The following PRKG1 variants were observed in gnomAD, a reference collection of about 807,000 sequenced individuals.
PRKG1 encodes protein kinase cGMP-dependent 1.
In PRKG1, 35 loss-of-function variants were observed where a neutral mutation model predicts 88.1. That is an observed-to-expected ratio of 0.40 (90% CI 0.30 to 0.53). PRKG1 has a LOEUF of 0.53. Among genes scored for constraint, PRKG1 ranks in the 20% least tolerant of loss-of-function variants. PRKG1 has a pLI of 0.59. For synonymous variants in PRKG1, 303 were observed against 292.5 expected, an observed-to-expected ratio of 1.04 and a Z score of -0.37; for missense variants, 540 against 839.8, an observed-to-expected ratio of 0.64 and a Z score of 4.41.
intron 3 of PRKG1, among the ~76,000 whole-genome samples, chr10:51,478,660 A>G (rs1840269385): frequency 6.6e-6 from 1 of 151,662 alleles, no homozygotes; most frequent in Non-Finnish European, 1.5e-5. Flanking sequence ...AAATCTATCA[A>G]TTTAAGTGCA....
At chr10:51,866,885 T>A (rs1026812192) in intron 4 of PRKG1, among the ~76,000 whole-genome samples, 1 of 152,184 alleles carries the variant, frequency 6.6e-6, no homozygotes, top group African/African-American at 2.4e-5. Flanking sequence ...ATGGCATTTT[T>A]CCTTAAGGAA....
chr10:52,173,534 A>G (rs1276173761), intron 9 of PRKG1, among the ~76,000 whole-genome samples: 2 of 152,226 alleles, frequency 1.3e-5, no homozygotes, highest in African/African-American at 4.8e-5. Context: ...ATAATATACT[A>G]TATGAATTTA....
At chr10:51,385,015 T>G (rs1837215059) in intron 2 of PRKG1, among the ~76,000 whole-genome samples, 1 of 152,216 alleles carries the variant, frequency 6.6e-6, no homozygotes, top group Admixed American at 6.5e-5. Flanking sequence ...AAGGATTGTC[T>G]CTCGAACCTT....
At chr10:51,884,647 C>A (rs1372005169) in intron 4 of PRKG1, among the ~76,000 whole-genome samples, 1 of 151,980 alleles carries the variant, frequency 6.6e-6, no homozygotes, top group Non-Finnish European at 1.5e-5. Context: ...TGAGGCCATG[C>A]GTACACTGAA....
At chr10:52,001,047 G>A (rs1279457778) in intron 5 of PRKG1, among the ~76,000 whole-genome samples, 4 of 151,722 alleles carry the variant, frequency 2.6e-5, no homozygotes, top group South Asian at 2.1e-4. Context: ...TCTCTATTAC[G>A]GTGGGTTCAA....
intron 9 of PRKG1, among the ~76,000 whole-genome samples, chr10:52,233,897 C>T (rs1480381582): frequency 6.6e-6 from 1 of 152,088 alleles, no homozygotes. Flanking sequence ...GTAACCTCTG[C>T]AGACTTAAAT....
chr10:51,881,204 A>G (rs966111049), intron 4 of PRKG1, among the ~76,000 whole-genome samples: 1 of 152,150 alleles, frequency 6.6e-6, no homozygotes, highest in Non-Finnish European at 1.5e-5. Flanking sequence ...GATTAGAGAC[A>G]TCAACGGGAA....
At chr10:51,908,681 A>G (rs1842138569) in intron 5 of PRKG1, 1 of 132,352 alleles carries the variant, frequency 7.6e-6, no homozygotes, top group African/African-American at 2.9e-5. Flanking sequence ...TTGAAAAATC[A>G]TCAGATTGTG....
intron 2 of PRKG1, among the ~76,000 whole-genome samples, chr10:51,258,882 C>A (rs1211924152): frequency 6.6e-6 from 1 of 152,228 alleles, no homozygotes; most frequent in Admixed American, 6.5e-5. Context: ...CATTGTGGAT[C>A]TCAAGAAAGA....
intron 8 of PRKG1, among the ~76,000 whole-genome samples, chr10:52,147,907 A>T (rs1295663770): frequency 6.6e-6 from 1 of 152,178 alleles, no homozygotes; most frequent in African/African-American, 2.4e-5. Context: ...GTTGAGCTTG[A>T]GGTACAGGTG....
chr10:51,559,339 T>A (rs1237269067), intron 3 of PRKG1, among the ~76,000 whole-genome samples: 1 of 152,080 alleles, frequency 6.6e-6, no homozygotes, highest in Non-Finnish European at 1.5e-5. Flanking sequence ...GCTCCTCATA[T>A]TCCTTACTAA....
intron 3 of PRKG1, among the ~76,000 whole-genome samples, chr10:51,616,756 A>G (rs528155804): frequency 6.6e-6 from 1 of 152,188 alleles, no homozygotes; most frequent in East Asian, 1.9e-4. Context: ...GAGAAATGGT[A>G]GTGGTTGTGC....
At chr10:51,113,986 T>C (rs1845043149) in intron 1 of PRKG1, among the ~76,000 whole-genome samples, 1 of 148,690 alleles carries the variant, frequency 6.7e-6, no homozygotes, top group Non-Finnish European at 1.5e-5. Context: ...TGTGTGTGTG[T>C]TGCTTTGATC....
rs1013752731 is a variant in PRKG1, at chr10:51,236,132, T to C, written c.478+82802T>C. On this transcript the variant is annotated intron_variant, in intron 2 of 17. Transcript: ENST00000373980. ...AACAGTTAATTTTAGTTCCAGAGTA[T>C]GACTTTTCAGAAGTCATTTGACCTC... 3.9e-5 allele frequency among the ~76,000 whole-genome samples: 6 copies of C among 152,176 alleles called. No homozygotes were observed. In the South Asian group the frequency reaches 1.2e-3, roughly 32 times the overall value.
At chr10:51,118,666 G>T (rs1845191454) in intron 1 of PRKG1, among the ~76,000 whole-genome samples, 1 of 152,218 alleles carries the variant, frequency 6.6e-6, no homozygotes, top group Middle Eastern at 3.4e-3. Context: ...GGAAAGTAAA[G>T]AAACTTCCCT....
chr10:52,002,138 TGAA>T (rs1310943231), intron 5 of PRKG1, among the ~76,000 whole-genome samples: 1 of 152,168 alleles, frequency 6.6e-6, no homozygotes, highest in African/African-American at 2.4e-5. Context: ...AGTTTTAATT[TGAA>T]GGATTATAAT....
chr10:51,396,601 G>A (rs577475559), intron 2 of PRKG1, among the ~76,000 whole-genome samples: 1 of 152,330 alleles, frequency 6.6e-6, no homozygotes, highest in South Asian at 2.1e-4. Flanking sequence ...TAACCACAGG[G>A]AGTTGAATCC....
chr10:51,524,726 G>A (rs1188233302), intron 3 of PRKG1, among the ~76,000 whole-genome samples: 1 of 152,162 alleles, frequency 6.6e-6, no homozygotes, highest in East Asian at 1.9e-4. Context: ...ATAAACATTT[G>A]TAGAAGGTGA....
chr10:51,571,081 T>C (rs1422189778), intron 3 of PRKG1, among the ~76,000 whole-genome samples: 7 of 152,008 alleles, frequency 4.6e-5, no homozygotes, highest in Admixed American at 2.0e-4. Context: ...TGTACTCCTA[T>C]GCAAGTTGTT....
Sources: allele counts gnomAD v4.1 joint callset (sites outside exome capture counted in the v4.1 genomes callset), GRCh38; gene constraint gnomAD v4.1.1; transcripts MANE v1.5; gene names NCBI Gene and HGNC (gene_info 2026-07-23, HGNC 2026-07-21).